The following STXBP5L variants were observed in gnomAD, a reference collection of about 807,000 sequenced individuals.
STXBP5L encodes the protein syntaxin binding protein 5L.
A neutral mutation model predicts 144.5 loss-of-function variants in STXBP5L; 65 were observed. The ratio of observed to expected loss-of-function variants is 0.45; its 90% CI spans 0.37 to 0.55. The LOEUF is 0.55. Ranked by LOEUF, STXBP5L falls within the 20% of genes least tolerant of loss-of-function variation. The probability of loss-of-function intolerance (pLI) is 0.00; values close to 1 mark genes in which losing one functional copy is unlikely to be tolerated. For synonymous variants in STXBP5L, 505 were observed against 469.6 expected (o/e 1.08, Z -0.97); for missense variants, 1,298 against 1,405.5 (o/e 0.92, Z 1.22).
At chr3:120,998,754 C>T (rs1043350660) in intron 3 of STXBP5L, among the ~76,000 whole-genome samples, 11 of 152,106 alleles carry the variant, frequency 7.2e-5, no homozygotes, top group African/African-American at 2.4e-4. Context: ...ATCAAGAATG[C>T]ATTCCTCTTC....
chr3:121,056,768 G>T (rs933983660), intron 5 of STXBP5L, among the ~76,000 whole-genome samples: 4 of 151,654 alleles, frequency 2.6e-5, no homozygotes, highest in African/African-American at 7.3e-5. Flanking sequence ...CTTTATAGAC[G>T]TTCATTACAT....
intron 20 of STXBP5L, among the ~76,000 whole-genome samples, chr3:121,328,958 T>C (rs1243044247): frequency 6.6e-6 from 1 of 151,916 alleles, no homozygotes; most frequent in African/African-American, 2.4e-5. Context: ...AAATTTTAAT[T>C]ACTTAAAAAA....
At chr3:121,010,339 G>T (rs1944679313) in intron 3 of STXBP5L, among the ~76,000 whole-genome samples, 1 of 151,722 alleles carries the variant, frequency 6.6e-6, no homozygotes, top group African/African-American at 2.4e-5. Flanking sequence ...CAATTGATAG[G>T]CTCTGGATCT....
chr3:121,065,052 G>A (rs183557541), intron 5 of STXBP5L, among the ~76,000 whole-genome samples: 1 of 143,860 alleles, frequency 7.0e-6, no homozygotes, highest in Admixed American at 7.2e-5. Context: ...CTGCATTCTT[G>A]TGGCTGCAAA....
intron 8 of STXBP5L, among the ~76,000 whole-genome samples, chr3:121,154,024 C>T (rs1279121464): frequency 6.6e-6 from 1 of 151,578 alleles, no homozygotes; most frequent in Non-Finnish European, 1.5e-5. Flanking sequence ...AAAAGAAAAC[C>T]CAGAGGAAAA....
Position 120,964,383 on chromosome 3 carries a change from T to C in STXBP5L, c.287+9346T>C, listed in dbSNP as rs1460228616. 2.0e-5 allele frequency among the ~76,000 whole-genome samples: 3 copies of C among 152,232 alleles called. No homozygotes were observed. The East Asian group carries it at 5.8e-4, about 29-fold the overall frequency. On this transcript the variant is annotated intron_variant, in intron 3 of 26. Coordinates refer to ENST00000471454, the MANE Select transcript of STXBP5L (RefSeq NM_001308330.2). ...GTGATGTTAAGGTGTCGATTTTAGATCTTTCCTTCCTTCTCTTGTGGGCTT... is the reference window on the plus strand; with the variant it reads ...GTGATGTTAAGGTGTCGATTTTAGACCTTTCCTTCCTTCTCTTGTGGGCTT...
chr3:120,960,275 A>G (rs1264252560), intron 3 of STXBP5L, among the ~76,000 whole-genome samples: 3 of 152,164 alleles, frequency 2.0e-5, no homozygotes, highest in Admixed American at 1.3e-4. Flanking sequence ...GCTGGAGAGG[A>G]TGTGGAGAAA....
chr3:120,913,953 G>A (rs1331052260), intron 2 of STXBP5L, among the ~76,000 whole-genome samples: 1 of 151,990 alleles, frequency 6.6e-6, no homozygotes, highest in Non-Finnish European at 1.5e-5. Context: ...CAGCTTCTTG[G>A]AGTTGCTTTT....
intron 3 of STXBP5L, among the ~76,000 whole-genome samples, chr3:121,024,378 C>T (rs1387586800): frequency 6.6e-6 from 1 of 152,064 alleles, no homozygotes; most frequent in Non-Finnish European, 1.5e-5. Flanking sequence ...TTTAGGAATT[C>T]TTTAGTCCTA....
intron 7 of STXBP5L, among the ~76,000 whole-genome samples, chr3:121,124,788 G>C (rs2044628318): frequency 6.6e-6 from 1 of 151,970 alleles, no homozygotes; most frequent in South Asian, 2.1e-4. Context: ...TAGGACCCCA[G>C]TGCAGTGTTG....
intron 20 of STXBP5L, among the ~76,000 whole-genome samples, chr3:121,338,607 A>AG (rs1559990732): frequency 1.6e-4 from 23 of 148,364 alleles, no homozygotes; most frequent in African/African-American, 5.3e-4. Flanking sequence ...AAAAAAAAAA[A>AG]AAGAGAGAAA....
At chr3:121,409,218 G>A (rs1293716988) in intron 23 of STXBP5L, among the ~76,000 whole-genome samples, 1 of 151,760 alleles carries the variant, frequency 6.6e-6, no homozygotes, top group Non-Finnish European at 1.5e-5. Context: ...GAAACTTGGG[G>A]GTATTCTACG....
At chr3:121,190,102 G>A (rs925695474) in intron 9 of STXBP5L, among the ~76,000 whole-genome samples, 30 of 151,562 alleles carry the variant, frequency 2.0e-4, no homozygotes, top group East Asian at 1.4e-3. Context: ...GGTGTTTCTC[G>A]GAGAGGGGGA....
intron 3 of STXBP5L, among the ~76,000 whole-genome samples, chr3:121,009,451 T>C (rs766105213): frequency 6.6e-6 from 1 of 152,026 alleles, no homozygotes; most frequent in Non-Finnish European, 1.5e-5. Flanking sequence ...AGTGTACTGC[T>C]TGGATCCTTG....
chr3:121,415,024 G>A (rs74477332), intron 24 of STXBP5L, among the ~76,000 whole-genome samples: 2,624 of 152,238 alleles, frequency 0.017, 68 homozygotes, highest in African/African-American at 0.059. Context: ...TTTCCAAAGA[G>A]AAGGGCTTCA....
intron 8 of STXBP5L, among the ~76,000 whole-genome samples, chr3:121,156,054 A>T (rs904414752): frequency 6.6e-5 from 10 of 152,072 alleles, no homozygotes; most frequent in African/African-American, 2.2e-4. Context: ...GCAGAGGAGA[A>T]GAGAAAAAAA....
intron 22 of STXBP5L, among the ~76,000 whole-genome samples, chr3:121,397,895 C>T (rs4381882): frequency 0.15 from 17,422 of 119,916 alleles, 1,062 homozygotes; most frequent in East Asian, 0.43. Flanking sequence ...GAATTGGCCA[C>T]GCAGACAGCC....
At chr3:120,909,104 C>A (rs2107538175) in intron 1 of STXBP5L, 1 of 152,742 alleles carries the variant, frequency 6.5e-6, no homozygotes, top group Non-Finnish European at 1.5e-5. Flanking sequence ...TACCGGCTCC[C>A]CCAACGTCGT....
At chr3:121,292,087 A>G (rs937903462) in intron 19 of STXBP5L, among the ~76,000 whole-genome samples, 1 of 152,216 alleles carries the variant, frequency 6.6e-6, no homozygotes, top group Non-Finnish European at 1.5e-5. Flanking sequence ...TCCTCACAGC[A>G]AAATAAATAA....
Sources: gnomAD v4.1 joint callset for allele counts (sites outside exome capture counted in the v4.1 genomes callset) on GRCh38, gnomAD v4.1.1 for gene constraint, MANE v1.5 for transcripts, NCBI Gene and HGNC (gene_info 2026-07-23, HGNC 2026-07-21) for gene names.